Variants in ACSL3 observed in about 807,000 individuals in gnomAD.
ACSL3 encodes the protein fatty acid CoA ligase Acsl3.
In ACSL3, 34 loss-of-function variants were observed where a neutral mutation model predicts 84.7. The ratio of observed to expected loss-of-function variants is 0.40; its 90% CI spans 0.31 to 0.53. The LOEUF (loss-of-function observed/expected upper bound fraction) is 0.53, where lower values mean the gene tolerates loss of function less well. Among genes scored for constraint, ACSL3 ranks in the 20% least tolerant of loss-of-function variants. ACSL3 has a pLI of 0.48. For missense variants in ACSL3, 680 were observed against 873.1 expected (o/e 0.78, Z 2.79); for synonymous variants, 315 against 299.4 (o/e 1.05, Z -0.54).
intron 1 of ACSL3, among the ~76,000 whole-genome samples, chr2:222,876,518 A>G (rs1224169107): frequency 6.6e-6 from 1 of 151,806 alleles, no homozygotes; most frequent in Non-Finnish European, 1.5e-5. Flanking sequence ...TAGACACTAG[A>G]TCTATTTTGT....
chr2:222,906,935 C>A (rs1167610825), intron 3 of ACSL3, among the ~76,000 whole-genome samples: 1 of 152,184 alleles, frequency 6.6e-6, no homozygotes, highest in Non-Finnish European at 1.5e-5. Flanking sequence ...TTTGACAGTG[C>A]CATTAGGCAT....
At chr2:222,880,929 A>G (rs1695577480) in intron 1 of ACSL3, among the ~76,000 whole-genome samples, 1 of 152,106 alleles carries the variant, frequency 6.6e-6, no homozygotes, top group Non-Finnish European at 1.5e-5. Context: ...TATTTTTCAA[A>G]TGATTCCTTC....
chr2:222,912,027 A>G (rs1421577450), intron 4 of ACSL3, among the ~76,000 whole-genome samples: 1 of 152,236 alleles, frequency 6.6e-6, no homozygotes, highest in African/African-American at 2.4e-5. Context: ...TGAAATTGGC[A>G]TTTGTGGTTC....
At chr2:222,919,022 C>T (rs1696658170) in intron 6 of ACSL3, 42 bp from the exon 7 acceptor site, 1 of 1,604,642 alleles carries the variant, frequency 6.2e-7, no homozygotes, top group South Asian at 1.1e-5. Context: ...CGCTAAGCTG[C>T]TTGAAAAATA....
At chr2:222,936,379 G>A (rs999218452) in intron 16 of ACSL3, among the ~76,000 whole-genome samples, 1 of 151,966 alleles carries the variant, frequency 6.6e-6, no homozygotes, top group Non-Finnish European at 1.5e-5. Context: ...TCCCACCAAC[G>A]GTATTAAGGG....
At chr2:222,875,115 A>G (rs537123233) in intron 1 of ACSL3, among the ~76,000 whole-genome samples, 2 of 152,332 alleles carry the variant, frequency 1.3e-5, no homozygotes, top group African/African-American at 4.8e-5. Flanking sequence ...TAATATATAC[A>G]AAGTGATCAG....
chr2:222,872,743 GA>G (rs932882430), intron 1 of ACSL3, among the ~76,000 whole-genome samples: 1 of 152,062 alleles, frequency 6.6e-6, no homozygotes, highest in Non-Finnish European at 1.5e-5. Context: ...CTTCTCTGAG[GA>G]AGTGGCATCC....
intron 14 of ACSL3, 151 bp downstream of exon 14, chr2:222,930,963 G>A (rs1474563210): frequency 4.5e-5 from 30 of 667,582 alleles, no homozygotes; most frequent in East Asian, 3.4e-4. Flanking sequence ...AAAATATTAC[G>A]GACTGTGGAA....
At chr2:222,907,287 GA>G (rs1173868452) in intron 3 of ACSL3, among the ~76,000 whole-genome samples, 1 of 152,072 alleles carries the variant, frequency 6.6e-6, no homozygotes, top group Non-Finnish European at 1.5e-5. Context: ...GGATGAAAGA[GA>G]AAGGATTCTT....
intron 16 of ACSL3, among the ~76,000 whole-genome samples, chr2:222,941,264 T>A (rs1697299275): frequency 6.6e-6 from 1 of 152,050 alleles, no homozygotes; most frequent in South Asian, 2.1e-4. Context: ...ATATATTCTA[T>A]TTTGTTCCTA....
intron 1 of ACSL3, among the ~76,000 whole-genome samples, chr2:222,876,253 A>G (rs1574519119): frequency 6.6e-6 from 1 of 152,162 alleles, no homozygotes; most frequent in East Asian, 1.9e-4. Context: ...CTCATGTGGG[A>G]TAGCTTTTCT....
Position 222,933,076 on chromosome 2 carries a change from T to G in ACSL3, c.1733-90T>G, listed in dbSNP as rs1697071375. ...TTTAAATAATTTGATAGCAAATTAC[T>G]TAGAGAATGGCCAGTATTTATATAT... On this transcript the variant is annotated intron_variant, in intron 14 of 16. Coordinates refer to ENST00000357430, the MANE Select transcript of ACSL3 (RefSeq NM_004457.5). 3 of 693,474 alleles carry G rather than the reference T, an allele frequency of 4.3e-6. No individual in the cohort carries two copies. In the South Asian group the frequency reaches 7.4e-5, roughly 17 times the overall value. 43.0% of individuals were successfully genotyped at this position (693,474 alleles called of 1,614,324 possible).
intron 10 of ACSL3, among the ~76,000 whole-genome samples, chr2:222,923,752 A>G (rs922284346): frequency 4.6e-5 from 7 of 151,176 alleles, no homozygotes; most frequent in Non-Finnish European, 7.4e-5. Context: ...CGTCAAGAAT[A>G]ATTACATAGT....
intron 1 of ACSL3, 79 bp from the exon 2 acceptor site, chr2:222,887,751 C>G (rs1695757512): frequency 1.3e-5 from 2 of 152,086 alleles, no homozygotes; most frequent in South Asian, 4.1e-4. Context: ...AAAATAGTTC[C>G]AGGAAAAAGT....
chr2:222,892,290 G>A (rs1695860453), intron 2 of ACSL3, among the ~76,000 whole-genome samples: 1 of 152,204 alleles, frequency 6.6e-6, no homozygotes, highest in Non-Finnish European at 1.5e-5. Context: ...GAGGGAGGCA[G>A]CAGGATATAT....
chr2:222,941,475 T>C, intron 16 of ACSL3, 22 bp from the exon 17 acceptor site: 1 of 1,272,468 alleles, frequency 7.9e-7, no homozygotes, highest in Middle Eastern at 2.1e-4. Flanking sequence ...TTTCTTCTTT[T>C]CTTTTTTTTT....
Position 222,926,684 on chromosome 2 carries a change from C to T in ACSL3, c.1293-333C>T, listed in dbSNP as rs145068190. Among the ~76,000 whole-genome samples, 828 of 152,010 alleles carry T rather than the reference C, an allele frequency of 5.4e-3. 5 individuals carry two copies. Among genetic ancestry groups the T allele is most frequent in the African/African-American group, 0.019 (790 of 41,470 alleles). ...ATTTCATAAAGATGATAGAATTGTT[C>T]AGTATTAATATATGATAAATATTTT... On this transcript the variant is annotated intron_variant, in intron 11 of 16. Coordinates refer to ENST00000357430, the MANE Select transcript of ACSL3 (RefSeq NM_004457.5).
chr2:222,934,261 A>G (rs1018832932), intron 15 of ACSL3, among the ~76,000 whole-genome samples: 1 of 152,250 alleles, frequency 6.6e-6, no homozygotes, highest in Non-Finnish European at 1.5e-5. Flanking sequence ...TGTACATGGC[A>G]GTATTCATAA....
intron 10 of ACSL3, among the ~76,000 whole-genome samples, chr2:222,923,444 A>G (rs1696791551): frequency 1.3e-5 from 2 of 152,218 alleles, no homozygotes; most frequent in Admixed American, 1.3e-4. Flanking sequence ...TGGTGAATTC[A>G]TTGACACTTG....
Sources: gnomAD v4.1 joint callset for allele counts (sites outside exome capture counted in the v4.1 genomes callset) on GRCh38, gnomAD v4.1.1 for gene constraint, MANE v1.5 for transcripts, NCBI Gene and HGNC (gene_info 2026-07-23, HGNC 2026-07-21) for gene names.